CLPB: variants seen among roughly 807,000 people sequenced by gnomAD.
CLPB encodes the protein ClpB family mitochondrial disaggregase.
A neutral mutation model predicts 78.4 loss-of-function variants in CLPB; 40 were observed. The ratio of observed to expected loss-of-function variants is 0.51; its 90% CI spans 0.40 to 0.66. The LOEUF is 0.66. CLPB is among the 30% of genes least tolerant of loss of function. CLPB has a pLI of 0.00. For synonymous variants in CLPB, 333 were observed against 348.0 expected (o/e 0.96, Z 0.48); for missense variants, 780 against 886.9 (o/e 0.88, Z 1.53).
chr11:72,434,506 C>G lies in CLPB; in HGVS notation c.-32G>C, dbSNP rs762092960. The G allele has an allele frequency of 5.9e-6, 9 of 1,520,360 alleles. No homozygotes were observed. Among genetic ancestry groups the G allele is most frequent in the Non-Finnish European group, 7.1e-6 (8 of 1,133,794 alleles). The allele number at this position is 1,520,360 out of a possible 1,614,324, so 94.2% of individuals were successfully genotyped here. On this transcript the variant is annotated 5_prime_UTR_variant, in exon 1 of 16. Transcript: ENST00000538039. ...AGCTGCTTCGATAACCCCGTGGTGC[C>G]GGCCCCTGTGCTGACCACGTCCAAC...
At chr11:72,294,753 C>T in intron 12 of CLPB, 60 bp from the exon 13 acceptor site, 1 of 1,415,598 alleles carries the variant, frequency 7.1e-7, no homozygotes, top group Non-Finnish European at 1.0e-6. Flanking sequence ...GGGGGCTGTG[C>T]CTGCCCCTTG....
At chr11:72,367,011 G>A (rs1950955482) in intron 4 of CLPB, among the ~76,000 whole-genome samples, 1 of 151,980 alleles carries the variant, frequency 6.6e-6, no homozygotes, top group South Asian at 2.1e-4. Flanking sequence ...AGGAAAACAT[G>A]GTACTATACC....
intron 4 of CLPB, among the ~76,000 whole-genome samples, chr11:72,359,829 T>C (rs1950799781): frequency 6.6e-6 from 1 of 152,174 alleles, no homozygotes; most frequent in African/African-American, 2.4e-5. Flanking sequence ...TTTCATGTGG[T>C]CAAAGAACCA....
intron 2 of CLPB, among the ~76,000 whole-genome samples, chr11:72,423,040 AT>A (rs950995993): frequency 6.6e-6 from 1 of 152,058 alleles, no homozygotes; most frequent in Admixed American, 6.6e-5. Flanking sequence ...ACCAAATCAG[AT>A]TTTTTTCCCC....
chr11:72,430,601 T>C (rs1312450842), intron 1 of CLPB: 5 of 519,708 alleles, frequency 9.6e-6, no homozygotes, highest in East Asian at 3.5e-5. Flanking sequence ...CCTCTCATCA[T>C]AGAGGGAATG....
chr11:72,363,553 C>G (rs899734766), intron 4 of CLPB: 1 of 152,172 alleles, frequency 6.6e-6, no homozygotes, highest in African/African-American at 2.4e-5. Context: ...AGAATAACCC[C>G]TTATGTTTGT....
chr11:72,389,394 T>C (rs935592133), intron 3 of CLPB, among the ~76,000 whole-genome samples: 1 of 152,218 alleles, frequency 6.6e-6, no homozygotes, highest in African/African-American at 2.4e-5. Flanking sequence ...TCTCCTTTGT[T>C]CTGATGCTGG....
At chr11:72,302,481 A>G (rs1415214042) in intron 9 of CLPB, 133 bp from the exon 10 acceptor site, 1 of 775,680 alleles carries the variant, frequency 1.3e-6, no homozygotes, top group African/African-American at 1.7e-5. Flanking sequence ...TCTCACGCTC[A>G]AGATGTTTTT....
intron 2 of CLPB, among the ~76,000 whole-genome samples, chr11:72,404,464 G>T (rs1855646953): frequency 6.6e-6 from 1 of 152,204 alleles, no homozygotes; most frequent in East Asian, 1.9e-4. Flanking sequence ...GGCTTGAGAG[G>T]ATGATGAGAA....
chr11:72,321,321 A>C (rs541503431), intron 6 of CLPB, among the ~76,000 whole-genome samples: 127 of 152,310 alleles, frequency 8.3e-4, no homozygotes, highest in Middle Eastern at 3.4e-3. Context: ...CCAGGAGAGC[A>C]GGAGTCGGGG....
chr11:72,362,753 A>C (rs1950864151), intron 4 of CLPB, among the ~76,000 whole-genome samples: 2 of 152,210 alleles, frequency 1.3e-5, no homozygotes, highest in Non-Finnish European at 2.9e-5. Flanking sequence ...CTCTCAATAA[A>C]TGTTAGTCAT....
intron 2 of CLPB, among the ~76,000 whole-genome samples, chr11:72,405,160 T>G (rs1855673466): frequency 6.6e-6 from 1 of 152,026 alleles, no homozygotes; most frequent in South Asian, 2.1e-4. Context: ...GGGGAAGAGT[T>G]TAGAGAAGTG....
chr11:72,307,104 G>T, intron 9 of CLPB, 95 bp downstream of exon 9: 2 of 1,135,694 alleles, frequency 1.8e-6, no homozygotes, highest in Non-Finnish European at 2.7e-6. Context: ...CTTTTTGATT[G>T]CCTATTACTG....
intron 1 of CLPB, among the ~76,000 whole-genome samples, chr11:72,432,703 T>C (rs1856582517): frequency 6.6e-6 from 1 of 152,162 alleles, no homozygotes; most frequent in African/African-American, 2.4e-5. Context: ...CCTCATTTTG[T>C]AGATGAGGAA....
intron 3 of CLPB, among the ~76,000 whole-genome samples, chr11:72,392,230 G>A (rs1210435752): frequency 6.6e-6 from 1 of 152,050 alleles, no homozygotes; most frequent in Non-Finnish European, 1.5e-5. Flanking sequence ...GGATCACTGT[G>A]ATGAGTGTCA....
At chr11:72,381,327 G>A (rs902902631) in intron 3 of CLPB, among the ~76,000 whole-genome samples, 3 of 152,140 alleles carry the variant, frequency 2.0e-5, no homozygotes, top group Admixed American at 6.5e-5. Flanking sequence ...CCAAACTCCC[G>A]GCTGATACCC....
At position 72,434,134 on chromosome 11, in the gene CLPB, C is replaced by T. The variant is rs138293139; in HGVS notation, c.341G>A (p.Gly114Asp). 7.4e-6 allele frequency: 12 copies of T among 1,612,288 alleles called. No homozygotes were observed. In the East Asian group the frequency reaches 1.8e-4, roughly 24 times the overall value. Residue 114 changes from glycine (G) to aspartate (D), a missense_variant, in exon 1 of 16, where the codon GGC becomes GAC. By Grantham distance (94) the Gly-to-Asp change is moderately conservative. This residue lies in a region of CLPB where 417 missense variants were observed against 414.7 expected (regional missense o/e 1.01). Coordinates refer to ENST00000538039, the MANE Select transcript of CLPB (RefSeq NM_001258392.3). ...CAGCGCTGCGGCCAGGGCGCACATG[C>T]CCAGTCCGGCCCTGCTGGGGACCCC... is the stretch of plus-strand genomic sequence containing the variant. ...WNGVPSRAGLGMCALAAALVV... is the reference protein window; with the variant it reads ...WNGVPSRAGLDMCALAAALVV...
At chr11:72,397,247 T>C (rs544137252) in intron 3 of CLPB, among the ~76,000 whole-genome samples, 1 of 152,394 alleles carries the variant, frequency 6.6e-6, no homozygotes, top group South Asian at 2.1e-4. Context: ...CGTATGGATA[T>C]ACCACAATTT....
intron 2 of CLPB, among the ~76,000 whole-genome samples, chr11:72,408,523 C>A (rs866654873): frequency 6.6e-6 from 1 of 151,770 alleles, no homozygotes; most frequent in Non-Finnish European, 1.5e-5. Context: ...AAAAATTAGC[C>A]GGGTGTGGTG....
Sources: gnomAD v4.1 joint callset for allele counts (sites outside exome capture counted in the v4.1 genomes callset) on GRCh38, gnomAD v4.1.1 for gene constraint, gnomAD v4.1.1 regional missense constraint, MANE v1.5 for transcripts, NCBI Gene and HGNC (gene_info 2026-07-23, HGNC 2026-07-21) for gene names.